CALN1: variants seen among roughly 807,000 people sequenced by gnomAD.
CALN1 encodes the protein calneuron 1, also known as calcium-binding protein 8.
Under a neutral mutation model 30.6 loss-of-function variants are expected in CALN1, and 17 were observed. The ratio of observed to expected loss-of-function variants is 0.56; its 90% CI spans 0.38 to 0.83. CALN1 has a LOEUF of 0.83. CALN1 is among the 40% of genes least tolerant of loss of function. CALN1 has a pLI of 0.00. For synonymous variants in CALN1, 156 were observed against 131.4 expected, an observed-to-expected ratio of 1.19 and a Z score of -1.28; for missense variants, 291 against 354.9, an observed-to-expected ratio of 0.82 and a Z score of 1.45.
intron 5 of CALN1, among the ~76,000 whole-genome samples, chr7:71,874,181 A>G (rs991099969): frequency 6.7e-6 from 1 of 150,218 alleles, no homozygotes; most frequent in Non-Finnish European, 1.5e-5. Flanking sequence ...AGGCTGAGAT[A>G]TGAGAATCGC....
chr7:72,422,687 T>C (rs371307063), intron 1 of CALN1, among the ~76,000 whole-genome samples: 2 of 152,228 alleles, frequency 1.3e-5, no homozygotes, highest in South Asian at 2.1e-4. Context: ...TCATCCTTCA[T>C]GTAAATCCTC....
At chr7:72,343,102 G>T (rs1401395101) in intron 2 of CALN1, among the ~76,000 whole-genome samples, 1 of 152,150 alleles carries the variant, frequency 6.6e-6, no homozygotes, top group Non-Finnish European at 1.5e-5. Context: ...ATTGAGCAAT[G>T]GGAAAAAGCT....
intron 6 of CALN1, among the ~76,000 whole-genome samples, chr7:71,801,929 GATCAT>G (rs1164456199): frequency 6.6e-6 from 1 of 151,448 alleles, no homozygotes; most frequent in African/African-American, 2.4e-5. Context: ...AGGGAGTTGA[GATCAT>G]ATCACTTCAC....
chr7:71,863,737 G>A (rs1791436145), intron 5 of CALN1, among the ~76,000 whole-genome samples: 1 of 152,068 alleles, frequency 6.6e-6, no homozygotes, highest in Non-Finnish European at 1.5e-5. Flanking sequence ...TATAAGGTCA[G>A]CAATCATGGC....
At chr7:71,863,043 T>C (rs1448601827) in intron 5 of CALN1, among the ~76,000 whole-genome samples, 1 of 151,678 alleles carries the variant, frequency 6.6e-6, no homozygotes, top group South Asian at 2.1e-4. Context: ...TGGATCTACT[T>C]GAGGCTAGGA....
intron 5 of CALN1, among the ~76,000 whole-genome samples, chr7:72,019,029 T>C (rs890475790): frequency 6.7e-6 from 1 of 149,516 alleles, no homozygotes; most frequent in Admixed American, 6.7e-5. Context: ...TTTTTTTTTT[T>C]CAGTAGAGAT....
At chr7:72,475,965 T>TTTTG in the CALN1 span, among the ~76,000 whole-genome samples, 1 of 146,100 alleles carries the variant, frequency 6.8e-6, no homozygotes, top group African/African-American at 2.6e-5. Flanking sequence ...TTTTTTTTTT[T>TTTTG]TGAGACAGAG....
chr7:72,336,229 C>T (rs1482085774), intron 2 of CALN1, among the ~76,000 whole-genome samples: 2 of 152,150 alleles, frequency 1.3e-5, no homozygotes, highest in South Asian at 2.1e-4. Flanking sequence ...GCCATGACTC[C>T]GGCTTCGCGA....
intron 5 of CALN1, among the ~76,000 whole-genome samples, chr7:71,872,296 AT>A (rs1480238551): frequency 6.6e-6 from 1 of 152,184 alleles, no homozygotes; most frequent in Non-Finnish European, 1.5e-5. Flanking sequence ...AAGTGAGTCA[AT>A]GCCCTTTAAC....
At chr7:71,900,146 T>G (rs1302705953) in intron 5 of CALN1, among the ~76,000 whole-genome samples, 1 of 152,196 alleles carries the variant, frequency 6.6e-6, no homozygotes, top group East Asian at 1.9e-4. Context: ...CAGACAAATT[T>G]TTAACATCCT....
At chr7:72,446,062 T>C (rs1448964851) in intron 1 of CALN1, among the ~76,000 whole-genome samples, 1 of 152,032 alleles carries the variant, frequency 6.6e-6, no homozygotes, top group African/African-American at 2.4e-5. Flanking sequence ...CAAGAACCCA[T>C]GCCCCCGGGA....
intron 5 of CALN1, among the ~76,000 whole-genome samples, chr7:71,978,262 C>CTATTTT (rs1173448154): frequency 0.012 from 872 of 72,892 alleles, 35 homozygotes; most frequent in Non-Finnish European, 0.016. Flanking sequence ...CTAGAGAATT[C>CTATTTT]TTTTTTTTTT....
intron 3 of CALN1, among the ~76,000 whole-genome samples, chr7:72,274,483 C>T (rs1331811368): frequency 7.0e-6 from 1 of 142,130 alleles, no homozygotes; most frequent in Non-Finnish European, 1.5e-5. Flanking sequence ...ACTCCAGCCT[C>T]GGTGAGAGTG....
At chr7:71,960,957 C>T (rs1306790305) in intron 5 of CALN1, among the ~76,000 whole-genome samples, 1 of 152,178 alleles carries the variant, frequency 6.6e-6, no homozygotes, top group Non-Finnish European at 1.5e-5. Context: ...GCTGGGATCA[C>T]AGGCTTGTGA....
chr7:72,084,667 AT>A (rs1805367421), intron 4 of CALN1, among the ~76,000 whole-genome samples: 1 of 152,036 alleles, frequency 6.6e-6, no homozygotes, highest in Non-Finnish European at 1.5e-5. Flanking sequence ...GCAGGCAGAG[AT>A]TTTTTTCAAC....
At chr7:72,351,961 G>A (rs1585561092) in intron 2 of CALN1, among the ~76,000 whole-genome samples, 4 of 152,174 alleles carry the variant, frequency 2.6e-5, no homozygotes, top group Admixed American at 2.0e-4. Context: ...TCTGTATCTT[G>A]TGCCACAAAA....
intron 5 of CALN1, among the ~76,000 whole-genome samples, chr7:72,010,881 G>A (rs1268744448): frequency 6.6e-6 from 1 of 151,798 alleles, no homozygotes; most frequent in Admixed American, 6.6e-5. Flanking sequence ...TTAGCCAGGC[G>A]TGGTGGCTAA....
chr7:72,370,563 A>G (rs113427636), intron 2 of CALN1, among the ~76,000 whole-genome samples: 5,162 of 151,994 alleles, frequency 0.034, 275 homozygotes, highest in African/African-American at 0.11. Context: ...CAGAGGCAGG[A>G]GAACGGTGTG....
chr7:72,341,711 T>C (rs954663392), intron 2 of CALN1, among the ~76,000 whole-genome samples: 2 of 152,176 alleles, frequency 1.3e-5, no homozygotes, highest in Admixed American at 6.5e-5. Flanking sequence ...CTGAATCTCA[T>C]TGCCCTCATC....
Sources: allele counts gnomAD v4.1 joint callset (sites outside exome capture counted in the v4.1 genomes callset), GRCh38; gene constraint gnomAD v4.1.1; transcripts MANE v1.5; gene names NCBI Gene and HGNC (gene_info 2026-07-23, HGNC 2026-07-21).